Variants in DLG2 observed in about 807,000 individuals in gnomAD.
DLG2 encodes the protein disks large homolog 2.
DLG2 carries 45 observed loss-of-function variants against 132.5 expected under a neutral mutation model. That is an observed-to-expected ratio of 0.34 (90% confidence interval 0.27 to 0.44). DLG2 has a LOEUF of 0.44. DLG2 is among the 20% of genes least tolerant of loss of function. DLG2 has a pLI of 1.00. For missense variants in DLG2, 1,045 were observed against 1,196.9 expected, an observed-to-expected ratio of 0.87 and a Z score of 1.87; for synonymous variants, 424 against 419.6, an observed-to-expected ratio of 1.01 and a Z score of -0.13.
chr11:84,499,145 C>A (rs1386739114), intron 7 of DLG2, among the ~76,000 whole-genome samples: 1 of 152,280 alleles, frequency 6.6e-6, no homozygotes, highest in East Asian at 1.9e-4. Flanking sequence ...TAGGGAATAT[C>A]AAATCTGATG....
chr11:83,655,543 T>G (rs1419241030), intron 18 of DLG2, among the ~76,000 whole-genome samples: 1 of 152,242 alleles, frequency 6.6e-6, no homozygotes, highest in Non-Finnish European at 1.5e-5. Flanking sequence ...TCAGTAGCAC[T>G]TTCTCTGTAA....
At chr11:84,650,470 A>T (rs549689798) in intron 6 of DLG2, among the ~76,000 whole-genome samples, 1 of 152,312 alleles carries the variant, frequency 6.6e-6, no homozygotes, top group South Asian at 2.1e-4. Context: ...ATTTACAGTT[A>T]AAAGGCTCAA....
At chr11:83,849,569 A>C (rs1263050202) in intron 16 of DLG2, among the ~76,000 whole-genome samples, 1 of 151,928 alleles carries the variant, frequency 6.6e-6, no homozygotes, top group Non-Finnish European at 1.5e-5. Flanking sequence ...CTGGGATAGA[A>C]AGAAATAATT....
chr11:84,759,715 A>G (rs2067348602), intron 6 of DLG2, among the ~76,000 whole-genome samples: 1 of 152,186 alleles, frequency 6.6e-6, no homozygotes, highest in South Asian at 2.1e-4. Context: ...AGGCATAATG[A>G]TGGATGACAT....
At chr11:83,871,602 G>C (rs1333211706) in intron 16 of DLG2, among the ~76,000 whole-genome samples, 2 of 108,986 alleles carry the variant, frequency 1.8e-5, no homozygotes, top group Non-Finnish European at 4.1e-5. Context: ...AGACCCATTG[G>C]CCTATGTAAG....
intron 6 of DLG2, among the ~76,000 whole-genome samples, chr11:85,110,209 A>T (rs889932288): frequency 6.6e-6 from 1 of 152,064 alleles, no homozygotes; most frequent in African/African-American, 2.4e-5. Flanking sequence ...TCTCAGTTCA[A>T]GATCAGCCTG....
At chr11:84,977,872 A>T (rs867062744) in intron 6 of DLG2, among the ~76,000 whole-genome samples, 1 of 152,146 alleles carries the variant, frequency 6.6e-6, no homozygotes, top group Non-Finnish European at 1.5e-5. Flanking sequence ...TAAGAGTTTA[A>T]TCTCATCTTA....
At chr11:83,558,739 C>G (rs1284561459) in intron 19 of DLG2, among the ~76,000 whole-genome samples, 2 of 152,114 alleles carry the variant, frequency 1.3e-5, no homozygotes, top group African/African-American at 2.4e-5. Flanking sequence ...ACATCATTAG[C>G]CCTCAGAGGT....
At chr11:83,798,065 C>A (rs1567001435) in intron 17 of DLG2, among the ~76,000 whole-genome samples, 1 of 152,166 alleles carries the variant, frequency 6.6e-6, no homozygotes, top group Non-Finnish European at 1.5e-5. Context: ...GGATGGACCC[C>A]CTTGGAGATG....
intron 19 of DLG2, among the ~76,000 whole-genome samples, chr11:83,617,051 T>TGTTAGGATTATCATAATA (rs2060929018): frequency 2.0e-5 from 3 of 152,204 alleles, no homozygotes; most frequent in African/African-American, 7.2e-5. Flanking sequence ...TGTAACCTCA[T>TGTTAGGATTATCATAATA]AATAAATCCT....
intron 5 of DLG2, among the ~76,000 whole-genome samples, chr11:85,123,087 C>T (rs2074618797): frequency 6.7e-6 from 1 of 148,822 alleles, no homozygotes; most frequent in Non-Finnish European, 1.5e-5. Context: ...ATGCCATTCT[C>T]CTGCCTCAGC....
chr11:83,991,018 T>C (rs1039817123), intron 11 of DLG2, among the ~76,000 whole-genome samples: 1 of 152,158 alleles, frequency 6.6e-6, no homozygotes, highest in East Asian at 1.9e-4. Flanking sequence ...TAGGAACTGG[T>C]CTACACTGAT....
intron 6 of DLG2, among the ~76,000 whole-genome samples, chr11:84,558,537 T>G (rs911979964): frequency 2.0e-5 from 3 of 152,192 alleles, no homozygotes; most frequent in Non-Finnish European, 2.9e-5. Context: ...TTTGGCTCCC[T>G]TTAATCACAG....
rs1160116150 is a variant in DLG2, at chr11:84,386,676, T to G, written c.520-135385A>C. Among the ~76,000 whole-genome samples the G allele has an allele frequency of 2.0e-5, 3 of 152,150 alleles. 1 individual carries two copies. Among genetic ancestry groups the G allele is most frequent in the Non-Finnish European group, 4.4e-5 (3 of 68,016 alleles). The stretch of plus-strand genomic sequence containing the variant: ...ACTGTTAGTGCCAGGTCAGGTAATA[T>G]GTTGATGCATTTTTTTCTTTGCAAA... On this transcript the variant is annotated intron_variant, in intron 7 of 27. Coordinates refer to ENST00000376104, the MANE Select transcript of DLG2 (RefSeq NM_001142699.3).
At chr11:84,041,090 G>A (rs2096066585) in intron 11 of DLG2, among the ~76,000 whole-genome samples, 1 of 151,850 alleles carries the variant, frequency 6.6e-6, no homozygotes, top group South Asian at 2.1e-4. Flanking sequence ...AGACTTTGCT[G>A]AAGTTGCTTA....
intron 7 of DLG2, among the ~76,000 whole-genome samples, chr11:84,413,494 A>G (rs2098917266): frequency 6.6e-6 from 1 of 152,210 alleles, no homozygotes; most frequent in African/African-American, 2.4e-5. Flanking sequence ...GCACAAGGGT[A>G]GATACCAAAG....
chr11:83,872,369 T>G (rs962566425), intron 16 of DLG2, among the ~76,000 whole-genome samples: 6 of 152,182 alleles, frequency 3.9e-5, no homozygotes, highest in African/African-American at 1.4e-4. Context: ...AGGCCAGGAC[T>G]CAAACCAAAT....
chr11:85,124,724 T>A (rs1029632078), intron 5 of DLG2, among the ~76,000 whole-genome samples: 1 of 152,238 alleles, frequency 6.6e-6, no homozygotes, highest in Non-Finnish European at 1.5e-5. Context: ...AAATCTTATA[T>A]TCCAAACATT....
Position 84,286,633 on chromosome 11 carries a change from G to A in DLG2, c.520-35342C>T, listed in dbSNP as rs145899468. On this transcript the variant is annotated intron_variant, in intron 7 of 27. Coordinates refer to ENST00000376104, the MANE Select transcript of DLG2 (RefSeq NM_001142699.3). ...TGCTAATGCACTTCCATGTTCCAAG[G>A]TTTTGAATAGCAAGATCTATATGGC... is the stretch of plus-strand genomic sequence containing the variant. Among the ~76,000 whole-genome samples, 224 of 152,230 alleles carry A rather than the reference G, an allele frequency of 1.5e-3. 1 individual carries two copies. Among genetic ancestry groups the A allele is most frequent in the African/African-American group, 5.2e-3 (215 of 41,550 alleles).
Sources: allele counts gnomAD v4.1 joint callset (sites outside exome capture counted in the v4.1 genomes callset), GRCh38; gene constraint gnomAD v4.1.1; transcripts MANE v1.5; gene names NCBI Gene and HGNC (gene_info 2026-07-23, HGNC 2026-07-21).